Variants in LRRC56 observed in about 807,000 individuals in gnomAD.
LRRC56 encodes the protein leucine rich repeat containing 56.
Under a neutral mutation model 47.8 loss-of-function variants are expected in LRRC56, and 41 were observed. That is an observed-to-expected ratio of 0.86 (90% CI 0.67 to 1.11). The LOEUF is 1.11. LRRC56 is among the 50% of genes most tolerant of loss of function. The pLI, the probability that LRRC56 is intolerant of heterozygous loss-of-function variation, is 0.00. For synonymous variants in LRRC56, 387 were observed against 311.2 expected (o/e 1.24, Z -2.56); for missense variants, 759 against 704.2 (o/e 1.08, Z -0.88).
At chr11:543,910 G>A (rs934616170) in intron 5 of LRRC56, among the ~76,000 whole-genome samples, 1 of 152,110 alleles carries the variant, frequency 6.6e-6, no homozygotes, top group Non-Finnish European at 1.5e-5. Flanking sequence ...CACCATACCC[G>A]GCTAATTTTT....
At chr11:516,235 A>T in the LRRC56 span, among the ~76,000 whole-genome samples, 131 of 152,230 alleles carry the variant, frequency 8.6e-4, no homozygotes, top group South Asian at 2.7e-3. Context: ...TCTACCAAAA[A>T]TACAAAAACT....
rs759067534 is a variant in LRRC56, at chr11:544,758, G to A, written c.304G>A (p.Gly102Ser). The A allele has an allele frequency of 1.4e-5, 23 of 1,612,426 alleles. No homozygotes were observed. The highest frequency in any genetic ancestry group is 4.5e-5 in the East Asian group (2 of 44,888). The change falls in exon 6 of 14, where the codon GGC (glycine) becomes AGC (serine). Residue 102 changes from glycine to serine, a missense_variant. By Grantham distance (56) the Gly-to-Ser change is moderately conservative (BLOSUM62 0). Coordinates refer to ENST00000270115, the MANE Select transcript of LRRC56 (RefSeq NM_198075.4). ...LPNLDQLKLN[G>S]SHLGSLRDLG... ...CAACCTGGACCAACTGAAGCTGAAC[G>A]GCAGCCACCTGGGCTCCCTGAGGTG...
In LRRC56 at chr11:551,136, C is replaced by A; in HGVS notation, c.630C>A (p.Pro210=). ...QPAPGPTNKV[P]RGYNYRAEVR... Reference sequence around the variant, plus strand: ...CCCTCCCCCTCCCCCTGCAGGTGCCCAGGGGCTACAACTACAGGGCAGAGG... The same window carrying A: ...CCCTCCCCCTCCCCCTGCAGGTGCCAAGGGGCTACAACTACAGGGCAGAGG... Residue 210 remains proline (P), a synonymous_variant, in exon 9 of 14, where the codon CCC becomes CCA. Coordinates refer to ENST00000270115, the MANE Select transcript of LRRC56 (RefSeq NM_198075.4). 6.8e-7 allele frequency: 1 copy of A among 1,468,378 alleles called. No individual in the cohort carries two copies. The highest frequency in any genetic ancestry group is 9.1e-7 in the Non-Finnish European group (1 of 1,096,068). The allele number at this position is 1,468,378 out of a possible 1,614,324, so 91.0% of individuals were successfully genotyped here.
At chr11:527,083 T>G in the LRRC56 span, among the ~76,000 whole-genome samples, 2 of 152,168 alleles carry the variant, frequency 1.3e-5, no homozygotes, top group African/African-American at 2.4e-5. Flanking sequence ...GGGCAGATCA[T>G]GAGGTCAGGA....
At chr11:533,263 C>G (rs1410048560), upstream of LRRC56, 5 of 1,571,174 alleles carry the variant, frequency 3.2e-6, no homozygotes, top group South Asian at 4.5e-5. Context: ...GCCCTGCCGT[C>G]CCGGGAGACT....
rs10902170 is a variant in LRRC56 at position 554,166 on chromosome 11, C to G, written c.1519C>G (p.Arg507Gly). ...PVLRALEVASRLSPRAQGCPG... is the reference protein window; with the variant it reads ...PVLRALEVASGLSPRAQGCPG... Reference sequence around the variant, plus strand: ...CCTGAGAGCCCTGGAGGTGGCCTCACGCCTGAGCCCTCGAGCCCAGGGATG... The same window carrying G: ...CCTGAGAGCCCTGGAGGTGGCCTCAGGCCTGAGCCCTCGAGCCCAGGGATG... Residue 507 changes from arginine to glycine, a missense_variant, in exon 14 of 14, where the codon CGC becomes GGC. Transcript: ENST00000270115. 0.82 allele frequency: 1,301,113 copies of G among 1,592,500 alleles called. 532,744 individuals carry two copies. Among genetic ancestry groups the G allele is most frequent in the East Asian group, 0.89 (39,729 of 44,520 alleles).
chr11:544,463 G>A (rs1404881713), intron 5 of LRRC56, among the ~76,000 whole-genome samples: 2 of 152,188 alleles, frequency 1.3e-5, no homozygotes, highest in Non-Finnish European at 2.9e-5. Context: ...GTGAGGCTTT[G>A]GGGGCTCAGG....
the LRRC56 span, among the ~76,000 whole-genome samples, chr11:522,745 C>T: frequency 1.3e-5 from 2 of 151,962 alleles, no homozygotes; most frequent in Admixed American, 6.6e-5. Flanking sequence ...TCTCTGTATA[C>T]ATTTTCTTTT....
At chr11:527,896 T>G in the LRRC56 span, among the ~76,000 whole-genome samples, 3 of 152,014 alleles carry the variant, frequency 2.0e-5, no homozygotes, top group African/African-American at 7.3e-5. Context: ...GAGACAGGGT[T>G]TCTCCATGTC....
intron 8 of LRRC56, among the ~76,000 whole-genome samples, chr11:550,596 G>C (rs944189110): frequency 6.6e-6 from 1 of 152,162 alleles, no homozygotes; most frequent in African/African-American, 2.4e-5. Context: ...ACACACCTGT[G>C]TACGCCCTGT....
chr11:516,580 A>G, the LRRC56 span, among the ~76,000 whole-genome samples: 1 of 152,188 alleles, frequency 6.6e-6, no homozygotes, highest in African/African-American at 2.4e-5. Context: ...AATTTATCAC[A>G]GGAATGCAAG....
Position 551,826 on chromosome 11 carries a change from T to A in LRRC56, c.972T>A (p.His324Gln). ...APEDNTSSLT[H>Q]GAGQVLCGNP... ...AAGATAACACCAGCAGCCTCACCCATGGTAACTGACTTGCCTCAAAGCTGA... is the reference window on the plus strand; with the variant it reads ...AAGATAACACCAGCAGCCTCACCCAAGGTAACTGACTTGCCTCAAAGCTGA... The change falls in exon 10 of 14, where the codon CAT becomes CAA. Residue 324 changes from histidine (H) to glutamine (Q), a missense_variant and splice_region_variant. Physicochemically the swap from His to Gln is conservative, Grantham distance 24 (BLOSUM62 0). Coordinates refer to ENST00000270115, the MANE Select transcript of LRRC56 (RefSeq NM_198075.4). 1 of 1,606,882 alleles carries A rather than the reference T, an allele frequency of 6.2e-7. No individual in the cohort carries two copies. Among genetic ancestry groups the A allele is most frequent in the Non-Finnish European group, 8.5e-7 (1 of 1,175,822 alleles).
intron 3 of LRRC56, 95 bp from the exon 4 acceptor site, chr11:540,579 G>A: frequency 6.4e-6 from 7 of 1,085,880 alleles, no homozygotes; most frequent in South Asian, 1.5e-5. Context: ...TGCTGTGACG[G>A]GGGCGGGGGG....
chr11:553,082 C>G (rs1217462357), intron 13 of LRRC56, among the ~76,000 whole-genome samples: 2 of 152,218 alleles, frequency 1.3e-5, no homozygotes, highest in Admixed American at 1.3e-4. Context: ...AGGCATGAGT[C>G]CGGGGGCTGG....
chr11:541,003 C>T lies in LRRC56; in HGVS notation c.177+142C>T. On this transcript the variant is annotated intron_variant, in intron 4 of 13. Coordinates refer to ENST00000270115, the MANE Select transcript of LRRC56 (RefSeq NM_198075.4). The surrounding 1 kb of genome is among the most constrained non-coding windows in gnomAD (Gnocchi z 4.1). Reference sequence around the variant, plus strand: ...CTGATGGTTGGCCTCAGCCCAGCCCCTGCAGCTGGGTCTGCTCCACCCACT... The same window carrying T: ...CTGATGGTTGGCCTCAGCCCAGCCCTTGCAGCTGGGTCTGCTCCACCCACT... 1.4e-6 allele frequency: 1 copy of T among 739,188 alleles called. No homozygotes were observed. Among genetic ancestry groups the T allele is most frequent in the Non-Finnish European group, 2.1e-6 (1 of 468,932 alleles). The allele number at this position is 739,188 out of a possible 1,614,324, so 45.8% of individuals were successfully genotyped here.
chr11:522,504 G>T, the LRRC56 span, among the ~76,000 whole-genome samples: 2 of 152,154 alleles, frequency 1.3e-5, no homozygotes, highest in Non-Finnish European at 2.9e-5. Context: ...CTGACCTCGT[G>T]ATTCGCCCAC....
the LRRC56 span, among the ~76,000 whole-genome samples, chr11:520,536 C>T: frequency 6.6e-6 from 1 of 152,096 alleles, no homozygotes; most frequent in Non-Finnish European, 1.5e-5. Context: ...CCAGGCTGGT[C>T]TCAAACTCCT....
At chr11:535,215 G>A (rs1589795757), upstream of LRRC56, 1 of 150,358 alleles carries the variant, frequency 6.7e-6, no homozygotes, top group African/African-American at 2.4e-5. Flanking sequence ...GCCCCAGGGA[G>A]GAAGGGGCCC....
At chr11:533,834 G>A (rs372223975), upstream of LRRC56, 53 of 1,613,214 alleles carry the variant, frequency 3.3e-5, no homozygotes, top group South Asian at 1.2e-4. Flanking sequence ...AGCCCTCCCC[G>A]GTGCGCATGT....
Sources: gnomAD v4.1 joint callset for allele counts (sites outside exome capture counted in the v4.1 genomes callset) on GRCh38, gnomAD v4.1.1 for gene constraint, Gnocchi (gnomAD v3.1) non-coding constraint, MANE v1.5 for transcripts, NCBI Gene and HGNC (gene_info 2026-07-23, HGNC 2026-07-21) for gene names.